ELFN2: variants seen among roughly 807,000 people sequenced by gnomAD.
ELFN2 encodes the protein protein phosphatase 1 regulatory subunit 29.
In ELFN2, 17 loss-of-function variants were observed where a neutral mutation model predicts 45.5. That is an observed-to-expected ratio of 0.37 (90% CI 0.26 to 0.56). The LOEUF is 0.56. Among genes scored for constraint, ELFN2 ranks in the 20% least tolerant of loss-of-function variants. The probability of loss-of-function intolerance (pLI) is 0.77; values close to 1 mark genes in which losing one functional copy is unlikely to be tolerated. For synonymous variants in ELFN2, 550 were observed against 551.5 expected, an observed-to-expected ratio of 1.00 and a Z score of 0.04; for missense variants, 922 against 1,183.2, an observed-to-expected ratio of 0.78 and a Z score of 3.24.
chr22:37,391,943 C>T (rs775537595), intron 2 of ELFN2, among the ~76,000 whole-genome samples: 2 of 152,336 alleles, frequency 1.3e-5, no homozygotes, highest in African/African-American at 4.8e-5. Flanking sequence ...GGGCAGTGAC[C>T]GGCCCCCTCA....
intron 2 of ELFN2, among the ~76,000 whole-genome samples, chr22:37,402,871 C>T (rs964682661): frequency 1.3e-5 from 2 of 152,138 alleles, no homozygotes; most frequent in Non-Finnish European, 2.9e-5. Context: ...GGTGGCATTG[C>T]TGTGCACCGA....
rs374129349 is a variant in ELFN2 at position 37,394,655 on chromosome 22, G to A, written c.-462-18659C>T. 2.2e-4 allele frequency among the ~76,000 whole-genome samples: 34 copies of A among 152,344 alleles called. 1 individual carries two copies. Among genetic ancestry groups the A allele is most frequent in the Middle Eastern group, 6.8e-3 (2 of 294 alleles). ...CGCAGCTTAAAGGAATGCCCCCATC[G>A]AGTGCAGACAGCAATTTCATCCTAC... On this transcript the variant is annotated intron_variant, in intron 2 of 2. Coordinates refer to ENST00000402918, the MANE Select transcript of ELFN2 (RefSeq NM_052906.5).
chr22:37,387,311 G>A (rs17751502), intron 2 of ELFN2, among the ~76,000 whole-genome samples: 24,714 of 152,098 alleles, frequency 0.16, 2,201 homozygotes, highest in South Asian at 0.31. Context: ...AATTATCTCA[G>A]CGTGACAGCT....
intron 2 of ELFN2, among the ~76,000 whole-genome samples, chr22:37,389,634 C>G (rs549196887): frequency 6.6e-6 from 1 of 152,088 alleles, no homozygotes; most frequent in Admixed American, 6.5e-5. Flanking sequence ...GAGGTGCGGA[C>G]GAGGAACAGC....
intron 1 of ELFN2, among the ~76,000 whole-genome samples, chr22:37,419,908 C>A (rs763062): frequency 6.6e-6 from 1 of 152,086 alleles, no homozygotes; most frequent in African/African-American, 2.4e-5. Flanking sequence ...CAGCGCGGCC[C>A]GCCCCGCCGC....
chr22:37,407,798 G>A (rs911502002), intron 2 of ELFN2, among the ~76,000 whole-genome samples: 12 of 152,038 alleles, frequency 7.9e-5, no homozygotes, highest in Non-Finnish European at 8.8e-5. Flanking sequence ...GGGAGGCTGA[G>A]GCAGGAAAAT....
intron 2 of ELFN2, among the ~76,000 whole-genome samples, chr22:37,399,411 C>T (rs1055430571): frequency 6.6e-6 from 1 of 152,188 alleles, no homozygotes; most frequent in Non-Finnish European, 1.5e-5. Context: ...AGGAAACATG[C>T]TCCCTCCTGT....
At position 37,369,514 on chromosome 22, in the gene ELFN2, C is replaced by G. The variant is rs963965707; in HGVS notation, c.*3558G>C. ...GGGCAGAGAGAGACTCTTCCTGCCG[C>G]GGGGAAAAGCAAGGCCGGGACCCGT... On this transcript the variant is annotated 3_prime_UTR_variant, in exon 3 of 3. Transcript: ENST00000402918. The G allele has an allele frequency of 1.3e-5, 2 of 152,162 alleles. No individual in the cohort carries two copies. 9.4% of individuals were successfully genotyped at this position (152,162 alleles called of 1,614,324 possible).
At chr22:37,355,081 C>T (rs1041982123) in intron 1 of ELFN2, among the ~76,000 whole-genome samples, 1 of 152,202 alleles carries the variant, frequency 6.6e-6, no homozygotes, top group Non-Finnish European at 1.5e-5. Flanking sequence ...GAGGATACCC[C>T]CTCTTTCTTT....
intron 2 of ELFN2, among the ~76,000 whole-genome samples, chr22:37,406,143 AAAAAT>A (rs1932496028): frequency 6.6e-6 from 1 of 152,172 alleles, no homozygotes; most frequent in African/African-American, 2.4e-5. Flanking sequence ...CCCTGTCTCA[AAAAAT>A]AAAATAATAA....
chr22:37,360,333 GT>G (rs1171974882), intron 1 of ELFN2, among the ~76,000 whole-genome samples: 1 of 152,220 alleles, frequency 6.6e-6, no homozygotes, highest in African/African-American at 2.4e-5. Flanking sequence ...ATCAGCATTT[GT>G]TGGGCCTCAG....
intron 2 of ELFN2, chr22:37,385,138 C>A (rs1054234231): frequency 6.6e-6 from 1 of 152,268 alleles, no homozygotes; most frequent in Non-Finnish European, 1.5e-5. Flanking sequence ...GACAGCGAAG[C>A]CCCCTGAGAG....
chr22:37,399,301 G>C (rs966447140), intron 2 of ELFN2, among the ~76,000 whole-genome samples: 1 of 152,098 alleles, frequency 6.6e-6, no homozygotes, highest in Non-Finnish European at 1.5e-5. Context: ...CAGCCACCCT[G>C]TAAGGACTGG....
At position 37,374,925 on chromosome 22, in the gene ELFN2, T is replaced by C; in HGVS notation, c.610A>G (p.Asn204Asp). ...FGFLAWLVVF[N>D]NVTKNYDRLQ... ...CGGTCGTAGTTCTTGGTGACGTTGTTGAAGACCACCAGCCAGGCCAGGAAG... is the reference window on the plus strand; with the variant it reads ...CGGTCGTAGTTCTTGGTGACGTTGTCGAAGACCACCAGCCAGGCCAGGAAG... The change falls in exon 3 of 3, where the codon AAC (asparagine) becomes GAC (aspartate). Residue 204 changes from asparagine (N) to aspartate (D), a missense_variant. Transcript: ENST00000402918. The C allele has an allele frequency of 6.2e-7, 1 of 1,612,734 alleles. No individual in the cohort carries two copies.
intron 2 of ELFN2, among the ~76,000 whole-genome samples, chr22:37,413,567 C>CT (rs1404033450): frequency 7.5e-6 from 1 of 132,658 alleles, no homozygotes; most frequent in Non-Finnish European, 1.6e-5. Context: ...AACAGCCTGT[C>CT]TAAAAAAAAA....
chr22:37,348,420 CT>C (rs1930745967), intron 1 of ELFN2, among the ~76,000 whole-genome samples: 1 of 137,902 alleles, frequency 7.3e-6, no homozygotes, highest in Non-Finnish European at 1.7e-5. Context: ...CAGGGAAGGG[CT>C]GAGGACTTCC....
At chr22:37,403,166 ATCACT>A (rs1161718167) in intron 2 of ELFN2, among the ~76,000 whole-genome samples, 1 of 150,690 alleles carries the variant, frequency 6.6e-6, no homozygotes, top group Non-Finnish European at 1.5e-5. Context: ...CCCATGAGGT[ATCACT>A]CCATGATGCC....
chr22:37,365,176 AAAG>A (rs1386728969), downstream of ELFN2, among the ~76,000 whole-genome samples: 2 of 151,618 alleles, frequency 1.3e-5, no homozygotes, highest in Non-Finnish European at 2.9e-5. Flanking sequence ...GAGACTAAAT[AAAG>A]GAGACCCTGA....
intron 2 of ELFN2, among the ~76,000 whole-genome samples, chr22:37,387,175 C>T (rs1931969422): frequency 6.6e-6 from 1 of 152,186 alleles, no homozygotes; most frequent in African/African-American, 2.4e-5. Flanking sequence ...CCCTCTTTGC[C>T]TCTGTCCCTG....
Sources: gnomAD v4.1 joint callset for allele counts (sites outside exome capture counted in the v4.1 genomes callset) on GRCh38, gnomAD v4.1.1 for gene constraint, MANE v1.5 for transcripts, NCBI Gene and HGNC (gene_info 2026-07-23, HGNC 2026-07-21) for gene names.